The following POLA1 variants were observed in gnomAD, a reference collection of about 807,000 sequenced individuals.
POLA1 encodes the protein DNA polymerase alpha 1, catalytic subunit, also known as DNA polymerase alpha catalytic subunit.
Under a neutral mutation model 124.0 loss-of-function variants are expected in POLA1, and 15 were observed. The observed-to-expected ratio is 0.12, with a 90% CI of 0.08 to 0.19. The LOEUF is 0.19. Among genes scored for constraint, POLA1 ranks in the 10% least tolerant of loss-of-function variants. POLA1 has a pLI of 1.00. For synonymous variants in POLA1, 408 were observed against 389.4 expected (o/e 1.05, Z -0.56); for missense variants, 886 against 1,103.4 (o/e 0.80, Z 2.79).
chrX:24,945,114 AG>A (rs1427880638), intron 36 of POLA1, among the ~76,000 whole-genome samples: 1 of 112,426 alleles, frequency 8.9e-6, no homozygotes, highest in African/African-American at 3.2e-5. Flanking sequence ...CCTACCTCAA[AG>A]GGTTCTAAAT....
chrX:24,739,684 A>G (rs1408078678), intron 20 of POLA1, 134 bp downstream of exon 20: 3 of 411,258 alleles, frequency 7.3e-6, no homozygotes, highest in Non-Finnish European at 1.2e-5. Context: ...CTACTTTCAT[A>G]ATTTGAACTA....
intron 34 of POLA1, among the ~76,000 whole-genome samples, chrX:24,859,976 G>A (rs193061891): frequency 5.1e-4 from 57 of 112,273 alleles, no homozygotes; most frequent in African/African-American, 1.4e-3. Flanking sequence ...TATTTTGCAG[G>A]TTTTCACCTT....
At chrX:24,724,943 G>A (rs1360829793) in intron 12 of POLA1, among the ~76,000 whole-genome samples, 1 of 111,636 alleles carries the variant, frequency 9.0e-6, no homozygotes, top group Non-Finnish European at 1.9e-5. Context: ...ATAATCGTGG[G>A]GGCTATAGCC....
At chrX:24,898,021 G>A (rs2047231271) in intron 35 of POLA1, among the ~76,000 whole-genome samples, 1 of 112,244 alleles carries the variant, frequency 8.9e-6, no homozygotes, top group African/African-American at 3.2e-5. Context: ...GGGGAGTAAT[G>A]CCACCCCTGT....
intron 34 of POLA1, among the ~76,000 whole-genome samples, chrX:24,867,414 C>T (rs1405092522): frequency 9.0e-6 from 1 of 111,298 alleles, no homozygotes; most frequent in Admixed American, 9.5e-5. Flanking sequence ...TTTCTGGCTC[C>T]CTAATACAAT....
At chrX:24,925,792 C>T (rs1257275987) in intron 35 of POLA1, among the ~76,000 whole-genome samples, 12 of 111,501 alleles carry the variant, frequency 1.1e-4, no homozygotes, top group Admixed American at 9.6e-4. Flanking sequence ...TGCTCTGTTG[C>T]CCAGGCTGGA....
chrX:24,822,859 A>G (rs1246514184), intron 31 of POLA1, among the ~76,000 whole-genome samples: 1 of 111,852 alleles, frequency 8.9e-6, no homozygotes, highest in Non-Finnish European at 1.9e-5. Context: ...GGTGATGAGA[A>G]GAACAGATGG....
chrX:24,973,185 C>T (rs763035930), intron 36 of POLA1, among the ~76,000 whole-genome samples: 3 of 111,225 alleles, frequency 2.7e-5, no homozygotes, highest in South Asian at 3.9e-4. Context: ...GGTGAAACCC[C>T]GTCTCTACTA....
At chrX:24,951,245 AATTAACAGAAATC>A (rs1243373154) in intron 36 of POLA1, among the ~76,000 whole-genome samples, 96 of 88,904 alleles carry the variant, frequency 1.1e-3, no homozygotes, top group Non-Finnish European at 1.6e-3. Flanking sequence ...GATTACAATT[AATTAACAGAAATC>A]CTGGTGATTA....
chrX:24,863,045 C>CT (rs2147100451), intron 34 of POLA1, among the ~76,000 whole-genome samples: 1 of 111,803 alleles, frequency 8.9e-6, no homozygotes, highest in African/African-American at 3.2e-5. Flanking sequence ...TTTAGCTGGT[C>CT]TAAAAAAACA....
rs765435738 is a variant in POLA1 at position 24,704,409 on chromosome X, G to A, written c.286G>A (p.Asp96Asn). Residue 96 changes from aspartate to asparagine, a missense_variant, in exon 4 of 37, where the codon GAT (aspartate) becomes AAT (asparagine). Physicochemically the swap from Asp to Asn is conservative, Grantham distance 23. Around this residue, in one of 7 missense-constraint regions of POLA1, gnomAD observed 337 missense variants for 402.8 expected, o/e 0.84. Transcript: ENST00000379068. ...TGCAGATGGTATTGGCTATGTGGAAGATGGCCGAGAGATTTTTGATGATGA... is the reference window on the plus strand; with the variant it reads ...TGCAGATGGTATTGGCTATGTGGAAAATGGCCGAGAGATTTTTGATGATGA... Reference protein sequence around the residue: ...VDDDGIGYVEDGREIFDDDLE... With the variant: ...VDDDGIGYVENGREIFDDDLE... 7.5e-6 allele frequency: 9 copies of A among 1,203,057 alleles called. No homozygotes were observed. The highest frequency in any genetic ancestry group is 7.9e-6 in the Non-Finnish European group (7 of 887,580).
At chrX:24,818,749 A>G (rs1055662235) in intron 30 of POLA1, among the ~76,000 whole-genome samples, 1 of 112,421 alleles carries the variant, frequency 8.9e-6, no homozygotes, top group African/African-American at 3.2e-5. Context: ...AAAAATAGCT[A>G]TATATTTCAA....
At chrX:24,901,119 G>A (rs12839850) in intron 35 of POLA1, among the ~76,000 whole-genome samples, 1 of 111,830 alleles carries the variant, frequency 8.9e-6, no homozygotes, top group African/African-American at 3.3e-5. Flanking sequence ...TTCCAGTGTG[G>A]GGAGACAGAT....
intron 27 of POLA1, 35 bp downstream of exon 27, chrX:24,809,965 A>G (rs779269256): frequency 2.1e-5 from 19 of 892,453 alleles, no homozygotes; most frequent in Non-Finnish European, 3.1e-5. Flanking sequence ...TAAAACTTAA[A>G]TATCATAACT....
intron 36 of POLA1, among the ~76,000 whole-genome samples, chrX:24,981,745 A>G (rs2048422381): frequency 8.9e-6 from 1 of 112,537 alleles, no homozygotes; most frequent in East Asian, 2.8e-4. Context: ...TTATTATCAC[A>G]TATTTACTCA....
At chrX:24,869,078 C>T (rs928052156) in intron 34 of POLA1, among the ~76,000 whole-genome samples, 1 of 111,717 alleles carries the variant, frequency 9.0e-6, no homozygotes, top group Non-Finnish European at 1.9e-5. Flanking sequence ...GGACTACAGG[C>T]GTGTGCCACC....
At chrX:24,888,206 C>T (rs971275332) in intron 35 of POLA1, 84 bp downstream of exon 35, 2 of 564,931 alleles carry the variant, frequency 3.5e-6, no homozygotes, top group South Asian at 5.3e-5. Context: ...AGTATTTGCC[C>T]TATGAAGATG....
chrX:24,974,318 C>A (rs1318432117), intron 36 of POLA1, among the ~76,000 whole-genome samples: 2 of 111,642 alleles, frequency 1.8e-5, no homozygotes, highest in East Asian at 5.6e-4. Flanking sequence ...TACTAAACTT[C>A]TACAGTGGAC....
chrX:24,699,175 T>C (rs1312600673), intron 1 of POLA1, among the ~76,000 whole-genome samples: 1 of 112,280 alleles, frequency 8.9e-6, no homozygotes. Flanking sequence ...TTTTCCTCTT[T>C]TTAGAGAAAA....
Sources: allele counts gnomAD v4.1 joint callset (sites outside exome capture counted in the v4.1 genomes callset), GRCh38; gene constraint gnomAD v4.1.1; regional missense constraint gnomAD v4.1.1; transcripts MANE v1.5; gene names NCBI Gene and HGNC (gene_info 2026-07-23, HGNC 2026-07-21).